The following VTI1A variants were observed in gnomAD, a reference collection of about 807,000 sequenced individuals.
The protein encoded by VTI1A is vesicle transport through interaction with t-SNAREs homolog 1A.
In VTI1A, 22 loss-of-function variants were observed where a neutral mutation model predicts 34.9. That is an observed-to-expected ratio of 0.63 (90% CI 0.45 to 0.90). The LOEUF (loss-of-function observed/expected upper bound fraction) is 0.90, where lower values mean the gene tolerates loss of function less well. VTI1A is among the 40% of genes least tolerant of loss of function. The pLI, the probability that VTI1A is intolerant of heterozygous loss-of-function variation, is 0.00. For synonymous variants in VTI1A, 87 were observed against 97.3 expected (o/e 0.89, Z 0.62); for missense variants, 268 against 275.6 (o/e 0.97, Z 0.20).
At chr10:112,628,168 A>G (rs1313048229) in intron 5 of VTI1A, among the ~76,000 whole-genome samples, 3 of 152,196 alleles carry the variant, frequency 2.0e-5, no homozygotes, top group Non-Finnish European at 2.9e-5. Flanking sequence ...ATTATTTCCT[A>G]GTGACTGCTT....
rs138908096 is a variant in VTI1A, at chr10:112,721,138, G to A, written c.560+52140G>A. Among the ~76,000 whole-genome samples the A allele has an allele frequency of 1.7e-3, 259 of 152,294 alleles. 1 individual carries two copies. The highest frequency in any genetic ancestry group is 0.01 in the Middle Eastern group (3 of 294). ...ACTTTTTCAATGGCACCTACATAGT[G>A]AGTGGCAGATTTTCTGATTCCAAAT... is the stretch of plus-strand genomic sequence containing the variant. On this transcript the variant is annotated intron_variant, in intron 7 of 7. Transcript: ENST00000393077.
chr10:112,854,244 A>T, the VTI1A span, among the ~76,000 whole-genome samples: 1 of 152,222 alleles, frequency 6.6e-6, no homozygotes, highest in East Asian at 1.9e-4. Flanking sequence ...AATAAGTACT[A>T]GCAGTATCAC....
chr10:112,554,658 A>T (rs1300316166), intron 5 of VTI1A, among the ~76,000 whole-genome samples: 1 of 151,944 alleles, frequency 6.6e-6, no homozygotes, highest in East Asian at 1.9e-4. Context: ...CTCTTTTTTA[A>T]TTTTTTATTA....
intron 5 of VTI1A, among the ~76,000 whole-genome samples, chr10:112,643,104 C>T (rs1261595281): frequency 1.1e-4 from 16 of 151,018 alleles, no homozygotes; most frequent in African/African-American, 3.2e-4. Flanking sequence ...CATGCCTCAG[C>T]CTCCCAGGTA....
At chr10:112,642,977 CT>C (rs58619611) in intron 5 of VTI1A, among the ~76,000 whole-genome samples, 242 of 121,008 alleles carry the variant, frequency 2.0e-3, no homozygotes, top group African/African-American at 5.3e-3. Flanking sequence ...TTTTTCTTTT[CT>C]TTTTTTTTTT....
chr10:112,606,342 T>C (rs1342310329), intron 5 of VTI1A, among the ~76,000 whole-genome samples: 1 of 152,126 alleles, frequency 6.6e-6, no homozygotes, highest in Non-Finnish European at 1.5e-5. Context: ...GCTATTCTGA[T>C]ATAACTCTTA....
rs3057346 is a variant in VTI1A, at chr10:112,611,737, A to ATTTTTTTTTTTTTTTTTTT, written c.428-56477_428-56459dup. 2.3e-3 allele frequency among the ~76,000 whole-genome samples: 234 copies of ATTTTTTTTTTTTTTTTTTT among 100,786 alleles called. 22 individuals carry two copies. Among genetic ancestry groups the ATTTTTTTTTTTTTTTTTTT allele is most frequent in the African/African-American group, 8.1e-3 (182 of 22,352 alleles). 66.1% of individuals were successfully genotyped at this position (100,786 alleles called of 152,430 possible). On this transcript the variant is annotated intron_variant, in intron 5 of 7. Coordinates refer to ENST00000393077, the MANE Select transcript of VTI1A (RefSeq NM_145206.4). ...TAAAGCCCATTTGGTGAGAAAGGTA[A>ATTTTTTTTTTTTTTTTTTT]TTTTTTTTTTTTTTTTTTTTTTGTG...
chr10:112,711,749 C>T (rs1234591346), intron 7 of VTI1A, among the ~76,000 whole-genome samples: 8 of 152,208 alleles, frequency 5.3e-5, no homozygotes, highest in African/African-American at 1.9e-4. Context: ...TGGTCCATAG[C>T]GTACCAACTG....
At position 112,774,590 on chromosome 10, in the gene VTI1A, G is replaced by A. The variant is rs371281689; in HGVS notation, c.561-40700G>A. Among the ~76,000 whole-genome samples the A allele has an allele frequency of 2.2e-4, 34 of 152,042 alleles. No homozygotes were observed. The South Asian group carries it at 5.6e-3, about 25-fold the overall frequency. ...TGAGCACATTTAGAAATAAGTTTAG[G>A]GTGATGATTTTAAGTTCCACCTTTT... On this transcript the variant is annotated intron_variant, in intron 7 of 7. Coordinates refer to ENST00000393077, the MANE Select transcript of VTI1A (RefSeq NM_145206.4).
intron 5 of VTI1A, among the ~76,000 whole-genome samples, chr10:112,613,303 G>A (rs115067025): frequency 0.016 from 2,411 of 152,090 alleles, 65 homozygotes; most frequent in African/African-American, 0.055. Flanking sequence ...CTTTTGCTGC[G>A]TTTGTCTTTT....
At chr10:112,500,005 C>T (rs376529352) in intron 3 of VTI1A, among the ~76,000 whole-genome samples, 5 of 152,148 alleles carry the variant, frequency 3.3e-5, no homozygotes, top group African/African-American at 7.2e-5. Context: ...TCCTGAAAAA[C>T]GTAAAGCTGA....
At chr10:112,623,156 A>G (rs1845792558) in intron 5 of VTI1A, among the ~76,000 whole-genome samples, 1 of 152,178 alleles carries the variant, frequency 6.6e-6, no homozygotes, top group Admixed American at 6.5e-5. Flanking sequence ...AGATATGTAG[A>G]TCTTAATGCT....
chr10:112,722,654 T>A (rs1849854739), intron 7 of VTI1A, among the ~76,000 whole-genome samples: 2 of 152,172 alleles, frequency 1.3e-5, no homozygotes, highest in Non-Finnish European at 2.9e-5. Context: ...CAGAGGTCAG[T>A]GGCTCTCAGC....
At chr10:112,578,367 C>T (rs11196001) in intron 5 of VTI1A, among the ~76,000 whole-genome samples, 8,905 of 152,034 alleles carry the variant, frequency 0.059, 576 homozygotes, top group African/African-American at 0.16. Context: ...CAGAAATCCA[C>T]GGTTTCTGGT....
chr10:112,662,218 A>G (rs971454155), intron 5 of VTI1A, among the ~76,000 whole-genome samples: 4 of 152,142 alleles, frequency 2.6e-5, no homozygotes, highest in Non-Finnish European at 5.9e-5. Context: ...GAAAAGTTTG[A>G]CTGTTAGTTC....
chr10:112,727,814 C>T (rs116785993), intron 7 of VTI1A, among the ~76,000 whole-genome samples: 22 of 152,166 alleles, frequency 1.4e-4, no homozygotes, highest in African/African-American at 4.8e-4. Flanking sequence ...TTTTTCCCTT[C>T]TCTTACCCCT....
At chr10:112,522,128 G>A (rs1039011472) in intron 3 of VTI1A, among the ~76,000 whole-genome samples, 1 of 152,080 alleles carries the variant, frequency 6.6e-6, no homozygotes, top group Admixed American at 6.6e-5. Context: ...GTTTTCTGTA[G>A]ATATCCCAAA....
intron 3 of VTI1A, among the ~76,000 whole-genome samples, chr10:112,492,322 A>G (rs893267108): frequency 2.6e-5 from 4 of 152,196 alleles, no homozygotes; most frequent in Non-Finnish European, 5.9e-5. Flanking sequence ...AACAAGAAAC[A>G]TCATATAAGG....
At chr10:112,465,678 G>A (rs1257774910) in intron 3 of VTI1A, among the ~76,000 whole-genome samples, 1 of 152,152 alleles carries the variant, frequency 6.6e-6, no homozygotes, top group African/African-American at 2.4e-5. Flanking sequence ...GAAACAGAAA[G>A]TAGAATGGTA....
Sources: allele counts gnomAD v4.1 joint callset (sites outside exome capture counted in the v4.1 genomes callset), GRCh38; gene constraint gnomAD v4.1.1; transcripts MANE v1.5; gene names NCBI Gene and HGNC (gene_info 2026-07-23, HGNC 2026-07-21).